MYBPC1: variants seen among roughly 807,000 people sequenced by gnomAD.
The protein encoded by MYBPC1 is myosin-binding protein C, slow-type.
MYBPC1 carries 52 observed loss-of-function variants against 147.1 expected under a neutral mutation model. The ratio of observed to expected loss-of-function variants is 0.35; its 90% confidence interval spans 0.28 to 0.45. The LOEUF (loss-of-function observed/expected upper bound fraction) is 0.45, where lower values mean the gene tolerates loss of function less well. Ranked by LOEUF, MYBPC1 falls within the 20% of genes least tolerant of loss-of-function variation. The pLI is 1.00. For synonymous variants in MYBPC1, 477 were observed against 475.9 expected (o/e 1.00, Z -0.03); for missense variants, 1,228 against 1,440.3 (o/e 0.85, Z 2.39).
At chr12:101,658,710 A>G (rs1896024120) in intron 18 of MYBPC1, among the ~76,000 whole-genome samples, 1 of 152,192 alleles carries the variant, frequency 6.6e-6, no homozygotes, top group African/African-American at 2.4e-5. Context: ...AAAAGAGAAC[A>G]TCTATTAAAA....
chr12:101,668,394 C>G (rs1897888672), intron 23 of MYBPC1, among the ~76,000 whole-genome samples: 1 of 152,134 alleles, frequency 6.6e-6, no homozygotes, highest in South Asian at 2.1e-4. Flanking sequence ...GCCATACTAG[C>G]CAGCCTTGCC....
In MYBPC1 at chr12:101,673,510, T is replaced by G; in HGVS notation, c.2697T>G (p.Thr899=). The part of the protein sequence containing the change: ...KNQINIRNSE[T]DTIIFIRKAE... ...AAATAAACATTCGCAACTCTGAGAC[T>G]GATACAATCATATTTATTAGAAAAG... is the stretch of plus-strand genomic sequence containing the variant. The change falls in exon 25 of 32, where the codon ACT becomes ACG. Residue 899 remains threonine, a synonymous_variant. Coordinates refer to ENST00000361466, the MANE Select transcript of MYBPC1 (RefSeq NM_002465.4). 1.2e-6 allele frequency: 2 copies of G among 1,614,102 alleles called. No homozygotes were observed. The highest frequency in any genetic ancestry group is 1.7e-6 in the Non-Finnish European group (2 of 1,179,978).
intron 29 of MYBPC1, among the ~76,000 whole-genome samples, chr12:101,680,755 G>A (rs933081981): frequency 1.4e-4 from 21 of 152,106 alleles, no homozygotes; most frequent in African/African-American, 4.8e-4. Flanking sequence ...TGTTATTTAA[G>A]TCAACTTATT....
intron 11 of MYBPC1, 109 bp from the exon 12 acceptor site, chr12:101,644,555 A>C: frequency 1.9e-6 from 2 of 1,037,106 alleles, no homozygotes; most frequent in Non-Finnish European, 2.9e-6. Flanking sequence ...TTTTTTCTTG[A>C]GATTCATTTT....
chr12:101,684,520 A>G (rs991173409), intron 31 of MYBPC1, 96 bp downstream of exon 31: 7 of 925,768 alleles, frequency 7.6e-6, no homozygotes, highest in South Asian at 5.6e-5. Context: ...ACATAATCCA[A>G]TGAAAATAGA....
At chr12:101,642,356 G>T in intron 10 of MYBPC1, 63 bp from the exon 11 acceptor site, 2 of 1,552,752 alleles carry the variant, frequency 1.3e-6, no homozygotes, top group Non-Finnish European at 1.8e-6. Context: ...ATTATACCTC[G>T]ACCTTCGTGG....
intron 1 of MYBPC1, among the ~76,000 whole-genome samples, chr12:101,605,229 A>G (rs971395847): frequency 6.6e-6 from 1 of 152,208 alleles, no homozygotes. Context: ...TGTCTCTATT[A>G]TGGTGCACTT....
Position 101,636,714 on chromosome 12 carries a change from T to C in MYBPC1, c.651T>C (p.Gly217=), listed in dbSNP as rs1281511989. 9.9e-6 allele frequency: 16 copies of C among 1,613,482 alleles called. No individual in the cohort carries two copies. The highest frequency in any genetic ancestry group is 1.3e-5 in the Non-Finnish European group (15 of 1,179,582). Residue 217 remains glycine (G), a synonymous_variant, in exon 10 of 32, where the codon GGT becomes GGC. Transcript: ENST00000361466. ...ATGCAGGAGAACTTGACTTTAGTGG[T>C]CTCCTGAAACGTAGGTGAGAACAAA... ...QEDAGELDFS[G]LLKRREVKQQ... is the part of the protein sequence containing the mutation.
the MYBPC1 span, among the ~76,000 whole-genome samples, chr12:101,693,733 G>T: frequency 2.2e-5 from 3 of 137,584 alleles, no homozygotes; most frequent in Non-Finnish European, 3.2e-5. Flanking sequence ...GCAAGAATCT[G>T]TCTCTAAATA....
At chr12:101,602,608 A>C (rs2135583562) in intron 1 of MYBPC1, among the ~76,000 whole-genome samples, 1 of 152,316 alleles carries the variant, frequency 6.6e-6, no homozygotes, top group East Asian at 1.9e-4. Context: ...GTCTGGCACA[A>C]GGTATTAAAT....
chr12:101,677,525 G>T, intron 27 of MYBPC1, 131 bp downstream of exon 27: 8 of 1,118,254 alleles, frequency 7.2e-6, no homozygotes, highest in Non-Finnish European at 8.9e-6. Context: ...TGATAATGGT[G>T]TTCAAGTAAA....
At chr12:101,625,669 T>C (rs1438859432) in intron 3 of MYBPC1, among the ~76,000 whole-genome samples, 2 of 152,220 alleles carry the variant, frequency 1.3e-5, no homozygotes, top group East Asian at 1.9e-4. Context: ...ATTTGTATTA[T>C]AAAAAGCACA....
chr12:101,678,067 A>G, intron 27 of MYBPC1, 35 bp from the exon 28 acceptor site: 1 of 1,600,968 alleles, frequency 6.2e-7, no homozygotes, highest in Non-Finnish European at 8.6e-7. Flanking sequence ...GCCAATTTAC[A>G]TAATTTTAAC....
chr12:101,628,696 AT>A (rs1477288604), intron 5 of MYBPC1, among the ~76,000 whole-genome samples: 1 of 152,226 alleles, frequency 6.6e-6, no homozygotes, highest in African/African-American at 2.4e-5. Context: ...TTGACTGCAG[AT>A]TAACACTTAT....
rs878957685 is a variant in MYBPC1, at chr12:101,646,948, A to G, written c.1090+61A>G. 16 of 1,595,450 alleles carry G rather than the reference A, an allele frequency of 1.0e-5. No individual in the cohort carries two copies. The South Asian group carries it at 1.8e-4, about 18-fold the overall frequency. On this transcript the variant is annotated intron_variant, in intron 13 of 31. Transcript: ENST00000361466. ...CTGTTGGCTTCTTCTCCCAGGGATA[A>G]TGATCAAAGTGAAAGTAACTGAGGC...
intron 21 of MYBPC1, 22 bp downstream of exon 21, chr12:101,662,568 T>C: frequency 6.2e-7 from 1 of 1,611,594 alleles, no homozygotes; most frequent in South Asian, 1.1e-5. Context: ...GAGATGAGTC[T>C]TTGTCATCAG....
chr12:101,628,905 T>C (rs1889229636), intron 5 of MYBPC1: 1 of 202,452 alleles, frequency 4.9e-6, no homozygotes, highest in South Asian at 9.9e-5. Flanking sequence ...GCCACATCTG[T>C]ACAACCCTAA....
chr12:101,621,722 A>T (rs1020166130), intron 3 of MYBPC1, among the ~76,000 whole-genome samples: 1 of 152,208 alleles, frequency 6.6e-6, no homozygotes, highest in East Asian at 1.9e-4. Flanking sequence ...GGCAATTTAA[A>T]ATCAACCATA....
chr12:101,622,948 T>C (rs1887767548), intron 3 of MYBPC1, among the ~76,000 whole-genome samples: 1 of 152,216 alleles, frequency 6.6e-6, no homozygotes, highest in Non-Finnish European at 1.5e-5. Flanking sequence ...TCATATGTAT[T>C]CCTTCATGGT....
Sources: gnomAD v4.1 joint callset for allele counts (sites outside exome capture counted in the v4.1 genomes callset) on GRCh38, gnomAD v4.1.1 for gene constraint, MANE v1.5 for transcripts, NCBI Gene and HGNC (gene_info 2026-07-23, HGNC 2026-07-21) for gene names.